The following BICD2 variants were observed in gnomAD, a reference collection of about 807,000 sequenced individuals.
The protein encoded by BICD2 is protein bicaudal D homolog 2.
BICD2 carries 25 observed loss-of-function variants against 72.9 expected under a neutral mutation model. The observed-to-expected ratio is 0.34, with a 90% CI of 0.25 to 0.48. The LOEUF is 0.48. Ranked by LOEUF, BICD2 falls within the 20% of genes least tolerant of loss-of-function variation. The pLI is 0.99. For synonymous variants in BICD2, 501 were observed against 516.1 expected (o/e 0.97, Z 0.40); for missense variants, 894 against 1,175.2 (o/e 0.76, Z 3.50).
chr9:92,753,731 G>A (rs1854196379), intron 1 of BICD2, among the ~76,000 whole-genome samples: 1 of 151,454 alleles, frequency 6.6e-6, no homozygotes, highest in Non-Finnish European at 1.5e-5. Flanking sequence ...AGTAGAGATG[G>A]GGTTTCACCG....
rs1363340952 is a variant in BICD2 at position 92,713,142 on chromosome 9, G to T, written c.*2012C>A. ...GGTTGATCGGATAAAAAAAGAACAT[G>T]TGTAACAAGGAGCCCCCGTGGTGGG... On this transcript the variant is annotated 3_prime_UTR_variant, in exon 7 of 7. Coordinates refer to ENST00000356884, the MANE Select transcript of BICD2 (RefSeq NM_001003800.2). 7.5e-6 allele frequency: 3 copies of T among 401,780 alleles called. No homozygotes were observed. Among genetic ancestry groups the T allele is most frequent in the Non-Finnish European group, 1.4e-5 (3 of 221,668 alleles). The allele number at this position is 401,780 out of a possible 1,614,324, so 24.9% of individuals were successfully genotyped here. A position where few individuals can be genotyped will look rare whatever the true frequency, so the allele number is the denominator to read the frequency against.
chr9:92,722,856 C>T (rs769653116), intron 2 of BICD2, 48 bp from the exon 3 acceptor site: 32 of 1,610,322 alleles, frequency 2.0e-5, no homozygotes, highest in Admixed American at 1.0e-4. Flanking sequence ...CCACAGGGCA[C>T]GAGAGGGGCT....
At chr9:92,755,016 C>CG (rs1854226292) in intron 1 of BICD2, among the ~76,000 whole-genome samples, 1 of 152,190 alleles carries the variant, frequency 6.6e-6, no homozygotes, top group East Asian at 1.9e-4. Flanking sequence ...AGAACAGAGC[C>CG]ATATTTCTCT....
At position 92,712,335 on chromosome 9, in the gene BICD2, C is replaced by T. The variant is rs1239944604; in HGVS notation, c.*2819G>A. 2 of 152,708 alleles carry T rather than the reference C, an allele frequency of 1.3e-5. No individual in the cohort carries two copies. The highest frequency in any genetic ancestry group is 2.9e-5 in the Non-Finnish European group (2 of 68,084). The allele number at this position is 152,708 out of a possible 1,614,324, so 9.5% of individuals were successfully genotyped here. A position where few individuals can be genotyped will look rare whatever the true frequency, so the allele number is the denominator to read the frequency against. ...AGGTCTGGGTGTGAGGAGCACCTGC[C>T]TCACCTGCTGTCCACGCTGGCCTTC... is the stretch of plus-strand genomic sequence containing the variant. On this transcript the variant is annotated 3_prime_UTR_variant, in exon 7 of 7. Coordinates refer to ENST00000356884, the MANE Select transcript of BICD2 (RefSeq NM_001003800.2).
At chr9:92,748,462 G>T (rs867821574) in intron 1 of BICD2, among the ~76,000 whole-genome samples, 2 of 152,108 alleles carry the variant, frequency 1.3e-5, no homozygotes, top group Non-Finnish European at 1.5e-5. Flanking sequence ...TAGAATTTTT[G>T]AAAGTCCCCC....
Position 92,713,346 on chromosome 9 carries a change from C to G in BICD2, c.*1808G>C. ...TTGCAGTGGCATATCCAAAAAGTTT[C>G]TAAGTGGGCTTTTAGGTTGCCCTTC... On this transcript the variant is annotated 3_prime_UTR_variant, in exon 7 of 7. Transcript: ENST00000356884. 1 of 1,255,986 alleles carries G rather than the reference C, an allele frequency of 8.0e-7. No homozygotes were observed. The highest frequency in any genetic ancestry group is 1.1e-6 in the Non-Finnish European group (1 of 888,400). 77.8% of individuals were successfully genotyped at this position (1,255,986 alleles called of 1,614,324 possible).
chr9:92,713,550 G>A lies in BICD2; in HGVS notation c.*1604C>T. On this transcript the variant is annotated 3_prime_UTR_variant, in exon 7 of 7. Transcript: ENST00000356884. ...ATTGAAGCTCTCCACGTGCTGGGAG[G>A]GCGCGAGCACGTTAGTTGGCAGAAG... 1 of 1,550,534 alleles carries A rather than the reference G, an allele frequency of 6.4e-7. No homozygotes were observed. Among genetic ancestry groups the A allele is most frequent in the Non-Finnish European group, 8.7e-7 (1 of 1,146,546 alleles).
chr9:92,750,200 T>A, intron 1 of BICD2, among the ~76,000 whole-genome samples: 1 of 152,324 alleles, frequency 6.6e-6, no homozygotes, highest in African/African-American at 2.4e-5. Flanking sequence ...TGTTCAATGC[T>A]GGCGGAAATA....
intron 1 of BICD2, among the ~76,000 whole-genome samples, chr9:92,744,406 A>G (rs1853965168): frequency 1.3e-5 from 2 of 152,234 alleles, no homozygotes; most frequent in Admixed American, 6.5e-5. Context: ...AGCTGACTAC[A>G]TGCAACTTCT....
At chr9:92,733,466 A>C (rs1410224967) in intron 1 of BICD2, among the ~76,000 whole-genome samples, 2 of 151,568 alleles carry the variant, frequency 1.3e-5, no homozygotes, top group Non-Finnish European at 2.9e-5. Flanking sequence ...TGAACCCAGG[A>C]GGCAGAGGTT....
rs929835867 is a variant in BICD2, at chr9:92,725,220, T to C, written c.454-2412A>G. Among the ~76,000 whole-genome samples the C allele has an allele frequency of 2.0e-5, 3 of 152,350 alleles. No homozygotes were observed. The South Asian group carries it at 6.2e-4, about 32-fold the overall frequency. ...GTGCTCATGTGAGTCCTCAGGGTCC[T>C]TCATCACCTGGCCCAGGCAAGGTGT... On this transcript the variant is annotated intron_variant, in intron 2 of 6. Coordinates refer to ENST00000356884, the MANE Select transcript of BICD2 (RefSeq NM_001003800.2).
At chr9:92,731,443 C>T (rs1329406647) in intron 1 of BICD2, among the ~76,000 whole-genome samples, 3 of 150,096 alleles carry the variant, frequency 2.0e-5, no homozygotes, top group Non-Finnish European at 3.0e-5. Context: ...GAGATTGTTG[C>T]AGAAATTAGA....
In BICD2 at chr9:92,720,965, C is replaced by T. The variant is rs986775371; in HGVS notation, c.607-210G>A. On this transcript the variant is annotated intron_variant, in intron 3 of 6. Transcript: ENST00000356884. This position sits in a 1 kb window ranked among gnomAD's most constrained non-coding sequence, Gnocchi z 5.4. Reference sequence around the variant, plus strand: ...AGAGATGTGGATGCTAAGAAGGTTCCAGGGCATGAGATGCGAATGCAATGA... The same window carrying T: ...AGAGATGTGGATGCTAAGAAGGTTCTAGGGCATGAGATGCGAATGCAATGA... Among the ~76,000 whole-genome samples the T allele has an allele frequency of 6.6e-6, 1 of 152,166 alleles. No homozygotes were observed. Among genetic ancestry groups the T allele is most frequent in the African/African-American group, 2.4e-5 (1 of 41,432 alleles).
chr9:92,763,727 C>A (rs1384621028), intron 1 of BICD2, among the ~76,000 whole-genome samples: 1 of 152,220 alleles, frequency 6.6e-6, no homozygotes, highest in East Asian at 1.9e-4. Flanking sequence ...GGGAATGACA[C>A]AGACCACTGA....
intron 1 of BICD2, among the ~76,000 whole-genome samples, chr9:92,733,764 G>A (rs1012678447): frequency 7.2e-5 from 11 of 151,998 alleles, no homozygotes; most frequent in African/African-American, 1.7e-4. Flanking sequence ...TCAGGAGATC[G>A]AGACCATCCT....
intron 1 of BICD2, among the ~76,000 whole-genome samples, chr9:92,752,848 C>A (rs1381988438): frequency 6.6e-6 from 1 of 152,080 alleles, no homozygotes; most frequent in Admixed American, 6.5e-5. Flanking sequence ...GCAGAAAAAT[C>A]GCAAATAATT....
intron 1 of BICD2, among the ~76,000 whole-genome samples, chr9:92,759,624 C>T (rs1854330330): frequency 6.6e-6 from 1 of 152,188 alleles, no homozygotes; most frequent in South Asian, 2.1e-4. Flanking sequence ...TCTCCTGCTC[C>T]AGAGTTCGGC....
rs1211048134 is a variant in BICD2, at chr9:92,712,073, C to T, written c.*3081G>A. The T allele has an allele frequency of 6.6e-6, 1 of 152,656 alleles. No individual in the cohort carries two copies. Among genetic ancestry groups the T allele is most frequent in the Non-Finnish European group, 1.5e-5 (1 of 68,044 alleles). 9.5% of individuals were successfully genotyped at this position (152,656 alleles called of 1,614,324 possible). ...TGCAAAGAATACTATGGCTAACCCT[C>T]ATCCCCTACTGCGCATGCCAACACA... On this transcript the variant is annotated 3_prime_UTR_variant, in exon 7 of 7. Coordinates refer to ENST00000356884, the MANE Select transcript of BICD2 (RefSeq NM_001003800.2).
intron 1 of BICD2, among the ~76,000 whole-genome samples, chr9:92,758,807 T>A (rs951095398): frequency 3.3e-5 from 5 of 151,160 alleles, no homozygotes; most frequent in African/African-American, 1.2e-4. Context: ...TGAGCCAAGA[T>A]CGCGCCATTG....
Sources: allele counts gnomAD v4.1 joint callset (sites outside exome capture counted in the v4.1 genomes callset), GRCh38; gene constraint gnomAD v4.1.1; non-coding constraint Gnocchi (gnomAD v3.1); transcripts MANE v1.5; gene names NCBI Gene and HGNC (gene_info 2026-07-23, HGNC 2026-07-21).